TRHDE: variants seen among roughly 807,000 people sequenced by gnomAD.
The protein encoded by TRHDE is thyrotropin-releasing hormone-degrading ectoenzyme.
In TRHDE, 72 loss-of-function variants were observed where a neutral mutation model predicts 125.7. The ratio of observed to expected loss-of-function variants is 0.57; its 90% CI spans 0.47 to 0.70. The LOEUF (loss-of-function observed/expected upper bound fraction) is 0.70, where lower values mean the gene tolerates loss of function less well. TRHDE is among the 30% of genes least tolerant of loss of function. The pLI is 0.00. For synonymous variants in TRHDE, 509 were observed against 509.1 expected (o/e 1.00, Z 0.00); for missense variants, 1,110 against 1,327.1 (o/e 0.84, Z 2.54).
At chr12:72,337,579 C>T (rs1048053001) in intron 2 of TRHDE, among the ~76,000 whole-genome samples, 16 of 151,954 alleles carry the variant, frequency 1.1e-4, no homozygotes, top group African/African-American at 2.7e-4. Flanking sequence ...ATTCTCTAGA[C>T]GGTATAAATT....
intron 2 of TRHDE, among the ~76,000 whole-genome samples, chr12:72,203,694 AC>A: frequency 6.6e-6 from 1 of 152,142 alleles, no homozygotes; most frequent in Admixed American, 6.5e-5. Context: ...TTGTTTACTA[AC>A]TTGGAGCTCA....
intron 2 of TRHDE, among the ~76,000 whole-genome samples, chr12:72,240,953 C>T (rs573085920): frequency 6.6e-6 from 1 of 152,158 alleles, no homozygotes; most frequent in South Asian, 2.1e-4. Flanking sequence ...GAAATTTAGC[C>T]ATTGTCTCAA....
At chr12:72,213,641 C>T (rs1241396910) in intron 2 of TRHDE, among the ~76,000 whole-genome samples, 5 of 152,104 alleles carry the variant, frequency 3.3e-5, no homozygotes, top group Non-Finnish European at 5.9e-5. Flanking sequence ...CAAACTGCAA[C>T]ATTTTCCATA....
At chr12:72,524,160 T>C (rs1253645041) in intron 6 of TRHDE, among the ~76,000 whole-genome samples, 1 of 152,192 alleles carries the variant, frequency 6.6e-6, no homozygotes, top group Non-Finnish European at 1.5e-5. Flanking sequence ...ATTTATTTTT[T>C]TGAGAACAGC....
chr12:72,302,517 T>G (rs564266230), intron 2 of TRHDE, among the ~76,000 whole-genome samples: 1 of 152,294 alleles, frequency 6.6e-6, no homozygotes, highest in South Asian at 2.1e-4. Flanking sequence ...AATATAAGGA[T>G]GTTTCTACCA....
intron 2 of TRHDE, among the ~76,000 whole-genome samples, chr12:72,338,201 T>C (rs972477263): frequency 5.3e-5 from 8 of 152,212 alleles, no homozygotes; most frequent in East Asian, 1.9e-4. Context: ...AAGCTTTTTA[T>C]TGCCAATGTG....
At chr12:72,371,534 T>C (rs376226098) in intron 2 of TRHDE, among the ~76,000 whole-genome samples, 1,753 of 151,032 alleles carry the variant, frequency 0.012, 41 homozygotes, top group African/African-American at 0.04. Context: ...AATGCTATCC[T>C]TCCCCCCTCC....
chr12:72,549,461 C>G (rs910314173), intron 7 of TRHDE, among the ~76,000 whole-genome samples: 7 of 151,828 alleles, frequency 4.6e-5, no homozygotes, highest in Admixed American at 1.3e-4. Flanking sequence ...GAATCATACT[C>G]AATCTAAAAT....
At chr12:72,473,915 C>T (rs984218132) in intron 5 of TRHDE, among the ~76,000 whole-genome samples, 3 of 151,724 alleles carry the variant, frequency 2.0e-5, no homozygotes, top group African/African-American at 7.3e-5. Context: ...TTAAGTGGTA[C>T]TATTAAATTA....
At chr12:72,510,394 G>A (rs1372647405) in intron 6 of TRHDE, among the ~76,000 whole-genome samples, 1 of 152,064 alleles carries the variant, frequency 6.6e-6, no homozygotes, top group African/African-American at 2.4e-5. Flanking sequence ...GGCAATAATA[G>A]GCGATAATAG....
rs570098331 is a variant in TRHDE, at chr12:72,298,217, T to C, written c.1188+11263T>C. Among the ~76,000 whole-genome samples, 67 of 152,318 alleles carry C rather than the reference T, an allele frequency of 4.4e-4. 1 individual carries two copies. The highest frequency in any genetic ancestry group is 1.6e-3 in the African/African-American group (66 of 41,568). Reference sequence around the variant, plus strand: ...GGTCAGTGTATCCATGATTACAGTATGTTTATACTTGATAATGTGTGTGAT... The same window carrying C: ...GGTCAGTGTATCCATGATTACAGTACGTTTATACTTGATAATGTGTGTGAT... On this transcript the variant is annotated intron_variant, in intron 2 of 18. Transcript: ENST00000261180.
At chr12:72,298,561 A>G (rs1880390399) in intron 2 of TRHDE, among the ~76,000 whole-genome samples, 1 of 152,110 alleles carries the variant, frequency 6.6e-6, no homozygotes, top group Non-Finnish European at 1.5e-5. Flanking sequence ...TTATAATCCA[A>G]GAGAGGTAGA....
intron 5 of TRHDE, among the ~76,000 whole-genome samples, chr12:72,485,521 C>T (rs965065567): frequency 9.9e-5 from 15 of 152,220 alleles, no homozygotes; most frequent in African/African-American, 2.4e-4. Flanking sequence ...AGAGCAGTCA[C>T]GCCTCTGGCA....
chr12:72,099,185 G>A (rs1875009379), intron 1 of TRHDE, among the ~76,000 whole-genome samples: 1 of 151,774 alleles, frequency 6.6e-6, no homozygotes, highest in African/African-American at 2.4e-5. Context: ...AGACATTGTT[G>A]CTTTAAACCA....
intron 12 of TRHDE, among the ~76,000 whole-genome samples, chr12:72,588,562 G>C (rs1871538689): frequency 6.6e-6 from 1 of 152,126 alleles, no homozygotes; most frequent in African/African-American, 2.4e-5. Flanking sequence ...GCATATGGGA[G>C]GGTTTTGAGC....
At position 72,505,444 on chromosome 12, in the gene TRHDE, GA is replaced by G. The variant is rs1592496190; in HGVS notation, c.1722+5810del. ...AGGAAACAAGAATCAGTGACCCAAT[GA>G]CCTAGATGATGAAAGTGAGTGAATG... On this transcript the variant is annotated intron_variant, in intron 6 of 18. Transcript: ENST00000261180. Among the ~76,000 whole-genome samples, 3 of 152,160 alleles carry G rather than the reference GA, an allele frequency of 2.0e-5. No homozygotes were observed. The East Asian group carries it at 5.8e-4, about 29-fold the overall frequency.
At chr12:72,477,998 T>C (rs1215365723) in intron 5 of TRHDE, among the ~76,000 whole-genome samples, 2 of 152,168 alleles carry the variant, frequency 1.3e-5, no homozygotes, top group African/African-American at 2.4e-5. Flanking sequence ...CCAAAAACAT[T>C]ATAAGTTATA....
At chr12:72,593,847 A>T (rs1348943855) in intron 12 of TRHDE, among the ~76,000 whole-genome samples, 1 of 152,178 alleles carries the variant, frequency 6.6e-6, no homozygotes, top group Non-Finnish European at 1.5e-5. Context: ...ACATGAACTC[A>T]TCCTTTTTTA....
At chr12:72,380,411 T>C (rs1231181477) in intron 3 of TRHDE, among the ~76,000 whole-genome samples, 2 of 152,216 alleles carry the variant, frequency 1.3e-5, no homozygotes, top group East Asian at 1.9e-4. Context: ...GGGGGACAGA[T>C]GGGGCATGGG....
Sources: allele counts gnomAD v4.1 joint callset (sites outside exome capture counted in the v4.1 genomes callset), GRCh38; gene constraint gnomAD v4.1.1; transcripts MANE v1.5; gene names NCBI Gene and HGNC (gene_info 2026-07-23, HGNC 2026-07-21).